RIMS4: variants seen among roughly 807,000 people sequenced by gnomAD.
RIMS4 encodes regulating synaptic membrane exocytosis protein 4.
In RIMS4, 9 loss-of-function variants were observed where a neutral mutation model predicts 29.0. The observed-to-expected ratio is 0.31, with a 90% CI of 0.19 to 0.54. RIMS4 has a LOEUF of 0.54. RIMS4 is among the 20% of genes least tolerant of loss of function. RIMS4 has a pLI of 0.94. For synonymous variants in RIMS4, 130 were observed against 152.9 expected (o/e 0.85, Z 1.10); for missense variants, 193 against 365.7 (o/e 0.53, Z 3.85).
chr20:44,775,968 A>G (rs1329914669), intron 1 of RIMS4, among the ~76,000 whole-genome samples: 1 of 152,218 alleles, frequency 6.6e-6, no homozygotes, highest in African/African-American at 2.4e-5. Context: ...TCACAGCTTC[A>G]GTCATGCCAC....
At chr20:44,789,002 G>A (rs1202382376) in intron 1 of RIMS4, among the ~76,000 whole-genome samples, 1 of 151,980 alleles carries the variant, frequency 6.6e-6, no homozygotes, top group Non-Finnish European at 1.5e-5. Flanking sequence ...CCTTACGGCT[G>A]CACTGCACCC....
chr20:44,785,820 C>CTGTGCCTG (rs1050727863), intron 1 of RIMS4, among the ~76,000 whole-genome samples: 1 of 148,834 alleles, frequency 6.7e-6, no homozygotes, highest in Non-Finnish European at 1.5e-5. Flanking sequence ...AATTCTTAGA[C>CTGTGCCTG]TGTGCCTGGA....
At chr20:44,763,133 T>C (rs2066093398) in intron 2 of RIMS4, among the ~76,000 whole-genome samples, 1 of 152,264 alleles carries the variant, frequency 6.6e-6, no homozygotes, top group Non-Finnish European at 1.5e-5. Context: ...AGATGTTCAC[T>C]GCCAAACCCT....
chr20:44,757,599 G>T, intron 4 of RIMS4, 71 bp downstream of exon 4: 1 of 1,247,612 alleles, frequency 8.0e-7, no homozygotes, highest in Non-Finnish European at 1.2e-6. Flanking sequence ...TCTCTTCAAG[G>T]CCCTCAGTAC....
intron 2 of RIMS4, among the ~76,000 whole-genome samples, chr20:44,761,259 G>A (rs899030422): frequency 2.6e-5 from 4 of 152,086 alleles, no homozygotes; most frequent in South Asian, 2.1e-4. Flanking sequence ...CTGTTACTGG[G>A]CCCATTTTAT....
intron 1 of RIMS4, among the ~76,000 whole-genome samples, chr20:44,788,694 C>A (rs1054140586): frequency 2.0e-5 from 3 of 151,994 alleles, no homozygotes; most frequent in African/African-American, 7.3e-5. Context: ...CCCAGGAATT[C>A]AAGGCTGCAG....
chr20:44,810,445 C>G lies in RIMS4; in HGVS notation c.-174G>C, dbSNP rs1408238866. 6.9e-6 allele frequency: 1 copy of G among 144,916 alleles called. No homozygotes were observed. The highest frequency in any genetic ancestry group is 2.0e-4 in the East Asian group (1 of 4,892). 9.0% of individuals were successfully genotyped at this position (144,916 alleles called of 1,614,324 possible). On this transcript the variant is annotated 5_prime_UTR_variant, in exon 1 of 6. Transcript: ENST00000372851. ...TGGCGGGCGCGGCGGGGCCGGCGGGCGGGCCAGGAGCTGGCGGCGCGCGGA... is the reference window on the plus strand; with the variant it reads ...TGGCGGGCGCGGCGGGGCCGGCGGGGGGGCCAGGAGCTGGCGGCGCGCGGA...
chr20:44,773,010 CT>C (rs1343650983), intron 1 of RIMS4, among the ~76,000 whole-genome samples: 3 of 127,324 alleles, frequency 2.4e-5, no homozygotes, highest in African/African-American at 1.1e-4. Context: ...AACGTGTAGC[CT>C]CGTATTTCTG....
In RIMS4 at chr20:44,752,897, G is replaced by C. The variant is rs776110521; in HGVS notation, c.*3237C>G. On this transcript the variant is annotated 3_prime_UTR_variant, in exon 6 of 6. Coordinates refer to ENST00000372851, the MANE Select transcript of RIMS4 (RefSeq NM_182970.4). The stretch of plus-strand genomic sequence containing the variant: ...AATCCTGTGTACCCTCAGTCAGCTG[G>C]GCCAGCCCCCAAGGAGAGCTGAGTC... The C allele has an allele frequency of 6.5e-6, 1 of 152,674 alleles. No individual in the cohort carries two copies. Among genetic ancestry groups the C allele is most frequent in the Non-Finnish European group, 1.5e-5 (1 of 68,424 alleles). The allele number at this position is 152,674 out of a possible 1,614,324, so 9.5% of individuals were successfully genotyped here.
intron 1 of RIMS4, among the ~76,000 whole-genome samples, chr20:44,789,453 C>T (rs977489318): frequency 6.6e-6 from 1 of 152,150 alleles, no homozygotes; most frequent in Admixed American, 6.5e-5. Flanking sequence ...CCCGCCACCA[C>T]ACCCGGCTAA....
At position 44,775,164 on chromosome 20, in the gene RIMS4, G is replaced by C. The variant is rs2066154449; in HGVS notation, c.98-3751C>G. ...CACGCTTCTAAGTGCTGCACCTGCTGATAAAACACACTGACGGGAGCCAGG... is the reference window on the plus strand; with the variant it reads ...CACGCTTCTAAGTGCTGCACCTGCTCATAAAACACACTGACGGGAGCCAGG... On this transcript the variant is annotated intron_variant, in intron 1 of 5. Transcript: ENST00000372851. Among the ~76,000 whole-genome samples the C allele has an allele frequency of 2.0e-5, 3 of 152,130 alleles. No individual in the cohort carries two copies. In the South Asian group the frequency reaches 6.2e-4, roughly 32 times the overall value.
chr20:44,764,139 T>TCC (rs1568895607), intron 2 of RIMS4, among the ~76,000 whole-genome samples: 4 of 15,558 alleles, frequency 2.6e-4, no homozygotes, highest in African/African-American at 7.6e-4. Flanking sequence ...TCCATCCATT[T>TCC]ATGCATCCAT....
intron 1 of RIMS4, among the ~76,000 whole-genome samples, chr20:44,775,891 T>G (rs577809740): frequency 7.2e-5 from 11 of 152,374 alleles, no homozygotes; most frequent in African/African-American, 2.6e-4. Flanking sequence ...TATGCTTCTA[T>G]GTCATTTGAA....
chr20:44,801,890 A>G (rs1348346116), intron 1 of RIMS4, among the ~76,000 whole-genome samples: 1 of 152,116 alleles, frequency 6.6e-6, no homozygotes, highest in Non-Finnish European at 1.5e-5. Context: ...GAGATATCCC[A>G]CGTTGGCAAG....
chr20:44,761,626 G>A lies in RIMS4; in HGVS notation c.237-3442C>T, dbSNP rs143774227. On this transcript the variant is annotated intron_variant, in intron 2 of 5. Coordinates refer to ENST00000372851, the MANE Select transcript of RIMS4 (RefSeq NM_182970.4). ...CCTTAGTGGTAGCAGGCTTGATGAC[G>A]CATCCGTTATTAGCTCCCCTCCCTT... is the stretch of plus-strand genomic sequence containing the variant. Among the ~76,000 whole-genome samples the A allele has an allele frequency of 3.3e-4, 51 of 152,250 alleles. No homozygotes were observed. The East Asian group carries it at 8.7e-3, about 26-fold the overall frequency.
In RIMS4 at chr20:44,758,120, C is replaced by T. The variant is rs753614361; in HGVS notation, c.301G>A (p.Gly101Arg). Residue 101 changes from glycine (G) to arginine (R), a missense_variant, in exon 3 of 6, where the codon GGG becomes AGG. By Grantham distance (125) the Gly-to-Arg change is moderately radical. Transcript: ENST00000372851. The stretch of plus-strand genomic sequence containing the variant: ...TGGCGGCCCACAAACTGTGCCGGCC[C>T]CATGCTTCCCAGGAAGTCACTGAAC... Reference protein sequence around the residue: ...AQFSDFLGSMGPAQFVGRQTL... With the variant: ...AQFSDFLGSMRPAQFVGRQTL... 6.2e-7 allele frequency: 1 copy of T among 1,613,746 alleles called. No homozygotes were observed. The highest frequency in any genetic ancestry group is 8.5e-7 in the Non-Finnish European group (1 of 1,179,850).
intron 2 of RIMS4, among the ~76,000 whole-genome samples, chr20:44,764,151 TATCCATCCATCCATCC>T (rs376980648): frequency 2.5e-5 from 1 of 40,724 alleles, no homozygotes; most frequent in African/African-American, 1.2e-4. Flanking sequence ...TGCATCCATT[TATCCATCCATCCATCC>T]ATCCATCCAT....
intron 1 of RIMS4, among the ~76,000 whole-genome samples, chr20:44,780,312 T>C (rs776772695): frequency 2.6e-5 from 4 of 151,646 alleles, no homozygotes; most frequent in Non-Finnish European, 5.9e-5. Flanking sequence ...TAAAATGCGA[T>C]TAAGTCCACA....
At chr20:44,809,921 G>A (rs1298887051) in intron 1 of RIMS4, among the ~76,000 whole-genome samples, 1 of 152,036 alleles carries the variant, frequency 6.6e-6, no homozygotes, top group Non-Finnish European at 1.5e-5. Flanking sequence ...GGTGAGGAGG[G>A]AGATGGGTCC....
Sources: allele counts gnomAD v4.1 joint callset (sites outside exome capture counted in the v4.1 genomes callset), GRCh38; gene constraint gnomAD v4.1.1; transcripts MANE v1.5; gene names NCBI Gene and HGNC (gene_info 2026-07-23, HGNC 2026-07-21).